GABRG3: variants seen among roughly 807,000 people sequenced by gnomAD.
The protein encoded by GABRG3 is gamma-aminobutyric acid type A receptor subunit gamma3, also known as gamma-aminobutyric acid receptor subunit gamma-3.
Under a neutral mutation model 48.8 loss-of-function variants are expected in GABRG3, and 25 were observed. That is an observed-to-expected ratio of 0.51 (90% CI 0.37 to 0.72). The LOEUF is 0.72. GABRG3 is among the 30% of genes least tolerant of loss of function. GABRG3 has a pLI of 0.00. For synonymous variants in GABRG3, 227 were observed against 217.6 expected (o/e 1.04, Z -0.38); for missense variants, 394 against 577.9 (o/e 0.68, Z 3.26).
intron 2 of GABRG3, among the ~76,000 whole-genome samples, chr15:27,004,328 G>A (rs1209005964): frequency 4.0e-5 from 6 of 151,438 alleles, no homozygotes; most frequent in African/African-American, 1.2e-4. Flanking sequence ...GGGCAGAGGC[G>A]GTCCCCACAT....
At chr15:27,351,638 GTGTA>G in intron 5 of GABRG3, among the ~76,000 whole-genome samples, 1 of 150,398 alleles carries the variant, frequency 6.6e-6, no homozygotes, top group African/African-American at 2.5e-5. Context: ...ATGTGTTTGT[GTGTA>G]TGGTCTGTGT....
chr15:27,349,854 T>A (rs1894496773), intron 5 of GABRG3, among the ~76,000 whole-genome samples: 1 of 151,938 alleles, frequency 6.6e-6, no homozygotes, highest in African/African-American at 2.4e-5. Context: ...CCGGGACATG[T>A]CCTTTCTGGC....
intron 6 of GABRG3, chr15:27,481,213 T>C (rs1211455867): frequency 1.0e-6 from 1 of 990,640 alleles, no homozygotes; most frequent in Non-Finnish European, 1.2e-6. Flanking sequence ...AAGTTTTATC[T>C]TTAACTTTGA....
chr15:27,519,769 G>A lies in GABRG3; in HGVS notation c.713-203G>A, dbSNP rs191362847. Among the ~76,000 whole-genome samples the A allele has an allele frequency of 2.6e-5, 4 of 152,238 alleles. No individual in the cohort carries two copies. In the East Asian group the frequency reaches 7.7e-4, roughly 29 times the overall value. Reference sequence around the variant, plus strand: ...TCGTTTTGTGCCCTTTACACTGACCGATTAAATGCCTGGTACAGCCATGGT... The same window carrying A: ...TCGTTTTGTGCCCTTTACACTGACCAATTAAATGCCTGGTACAGCCATGGT... On this transcript the variant is annotated intron_variant, in intron 6 of 9. Transcript: ENST00000615808.
At chr15:27,052,337 A>G (rs1896469926) in intron 3 of GABRG3, among the ~76,000 whole-genome samples, 1 of 152,164 alleles carries the variant, frequency 6.6e-6, no homozygotes, top group African/African-American at 2.4e-5. Flanking sequence ...CAGATCAGAG[A>G]AAGGACTCAG....
rs766121206 is a variant in GABRG3, at chr15:27,326,951, C to T, written c.413C>T (p.Thr138Ile). 6.2e-7 allele frequency: 1 copy of T among 1,614,030 alleles called. No individual in the cohort carries two copies. Among genetic ancestry groups the T allele is most frequent in the South Asian group, 1.1e-5 (1 of 91,084 alleles). The change falls in exon 4 of 10, where the codon ACC (threonine) becomes ATC (isoleucine). Residue 138 changes from threonine to isoleucine, a missense_variant. By Grantham distance (89) the Thr-to-Ile change is moderately conservative. Transcript: ENST00000615808. ...GACACCATCTTCCGCAATTCTAAAA[C>T]CGCAGAGGCTCACTGGATCACCACA... is the stretch of plus-strand genomic sequence containing the variant. The part of the protein sequence containing the change: ...IPDTIFRNSK[T>I]AEAHWITTPN...
intron 6 of GABRG3, among the ~76,000 whole-genome samples, chr15:27,495,272 A>G (rs898777040): frequency 2.6e-5 from 4 of 152,202 alleles, no homozygotes; most frequent in African/African-American, 9.6e-5. Context: ...CTGGATGTTC[A>G]TCCACGTTGT....
At chr15:27,426,268 A>G (rs1037020256) in intron 5 of GABRG3, among the ~76,000 whole-genome samples, 1 of 152,210 alleles carries the variant, frequency 6.6e-6, no homozygotes, top group African/African-American at 2.4e-5. Context: ...CACCTGATAA[A>G]GCAGGCCTCG....
At position 27,335,180 on chromosome 15, in the gene GABRG3, G is replaced by A. The variant is rs73365216; in HGVS notation, c.574+6292G>A. 8.9e-4 allele frequency among the ~76,000 whole-genome samples: 118 copies of A among 133,078 alleles called. No homozygotes were observed. In the East Asian group the frequency reaches 0.01, roughly 11 times the overall value. The allele number at this position is 133,078 out of a possible 152,430, so 87.3% of individuals were successfully genotyped here. A position where few individuals can be genotyped will look rare whatever the true frequency, so the allele number is the denominator to read the frequency against. On this transcript the variant is annotated intron_variant, in intron 5 of 9. Coordinates refer to ENST00000615808, the MANE Select transcript of GABRG3 (RefSeq NM_033223.5). The stretch of plus-strand genomic sequence containing the variant: ...TTGGTAGACAAGACCCCTTTTGACT[G>A]TTGTGACTGCTATACCCATTGGTAG...
chr15:27,135,427 C>A (rs1351855970), intron 3 of GABRG3, among the ~76,000 whole-genome samples: 2 of 152,170 alleles, frequency 1.3e-5, no homozygotes, highest in Non-Finnish European at 2.9e-5. Context: ...GAATTCTGTG[C>A]CCAGTCCTCA....
At chr15:27,307,743 G>T (rs1424934048) in intron 3 of GABRG3, among the ~76,000 whole-genome samples, 6 of 116,040 alleles carry the variant, frequency 5.2e-5, no homozygotes, top group East Asian at 2.4e-4. Context: ...ATAATCATAG[G>T]TTTATATATA....
chr15:27,255,385 C>T (rs541524867), intron 3 of GABRG3, among the ~76,000 whole-genome samples: 2 of 152,200 alleles, frequency 1.3e-5, no homozygotes, highest in African/African-American at 4.8e-5. Context: ...ACCCTTGCCA[C>T]GTGCCAATTC....
chr15:27,247,763 AAG>A (rs1890313092), intron 3 of GABRG3, among the ~76,000 whole-genome samples: 1 of 152,222 alleles, frequency 6.6e-6, no homozygotes. Context: ...TGGTGGCAGC[AAG>A]AGAGAGAATG....
intron 3 of GABRG3, among the ~76,000 whole-genome samples, chr15:27,181,818 T>C (rs1433525786): frequency 1.3e-5 from 2 of 152,038 alleles, no homozygotes; most frequent in Non-Finnish European, 2.9e-5. Flanking sequence ...AGCTAAGATG[T>C]TTCTGGGCTT....
At chr15:27,173,176 C>A (rs1349592096) in intron 3 of GABRG3, among the ~76,000 whole-genome samples, 1 of 152,190 alleles carries the variant, frequency 6.6e-6, no homozygotes, top group Admixed American at 6.5e-5. Context: ...GAATCATTTT[C>A]TAGCTCTAAA....
intron 5 of GABRG3, among the ~76,000 whole-genome samples, chr15:27,409,082 G>C (rs1230582369): frequency 6.6e-6 from 1 of 151,196 alleles, no homozygotes. Context: ...CTAATACCAG[G>C]GTTTTTGACA....
At chr15:27,028,252 G>T (rs1896019347) in intron 3 of GABRG3, among the ~76,000 whole-genome samples, 1 of 152,172 alleles carries the variant, frequency 6.6e-6, no homozygotes, top group African/African-American at 2.4e-5. Context: ...TGACGGATAG[G>T]CAAGAGTGTG....
Position 27,521,101 on chromosome 15 carries a change from C to T in GABRG3, c.865+977C>T, listed in dbSNP as rs184653081. On this transcript the variant is annotated intron_variant, in intron 7 of 9. Transcript: ENST00000615808. ...ATATTAGATGTCACTGTACACAAGACATCTAAAGATAAGCTTCAAAGTGAT... is the reference window on the plus strand; with the variant it reads ...ATATTAGATGTCACTGTACACAAGATATCTAAAGATAAGCTTCAAAGTGAT... 1.9e-3 allele frequency among the ~76,000 whole-genome samples: 286 copies of T among 152,186 alleles called. 2 individuals carry two copies. The highest frequency in any genetic ancestry group is 5.9e-3 in the African/African-American group (246 of 41,532).
At chr15:27,182,319 G>A (rs1887957342) in intron 3 of GABRG3, among the ~76,000 whole-genome samples, 1 of 152,096 alleles carries the variant, frequency 6.6e-6, no homozygotes, top group Admixed American at 6.5e-5. Context: ...GTTGTTATTC[G>A]AATGTGTACG....
Sources: gnomAD v4.1 joint callset for allele counts (sites outside exome capture counted in the v4.1 genomes callset) on GRCh38, gnomAD v4.1.1 for gene constraint, MANE v1.5 for transcripts, NCBI Gene and HGNC (gene_info 2026-07-23, HGNC 2026-07-21) for gene names.